The following NEU1 variants were observed in gnomAD, a reference collection of about 807,000 sequenced individuals.
The protein encoded by NEU1 is neuraminidase 1.
A neutral mutation model predicts 38.3 loss-of-function variants in NEU1; 32 were observed. The observed-to-expected ratio is 0.84, with a 90% CI of 0.63 to 1.12. The LOEUF is 1.12. NEU1 is among the 50% of genes most tolerant of loss of function. The probability of loss-of-function intolerance (pLI) is 0.00; values close to 1 mark genes in which losing one functional copy is unlikely to be tolerated. For synonymous variants in NEU1, 192 were observed against 225.2 expected, an observed-to-expected ratio of 0.85 and a Z score of 1.32; for missense variants, 431 against 549.2, an observed-to-expected ratio of 0.78 and a Z score of 2.15.
chr6:31,862,541 C>T lies in NEU1; in HGVS notation c.159+77G>A. 1 of 1,604,486 alleles carries T rather than the reference C, an allele frequency of 6.2e-7. No individual in the cohort carries two copies. The highest frequency in any genetic ancestry group is 8.5e-7 in the Non-Finnish European group (1 of 1,172,650). On this transcript the variant is annotated intron_variant, in intron 1 of 5. Coordinates refer to ENST00000375631, the MANE Select transcript of NEU1 (RefSeq NM_000434.4). This position sits in a 1 kb window ranked among gnomAD's most constrained non-coding sequence, Gnocchi z 6.3. ...GTCCTGTCGCGGAAAGTCGGCTCAG[C>T]CGCCCGCGTTCCGGGGGACACTAGG...
In NEU1 at chr6:31,859,883, G is replaced by A. The variant is rs767725628; in HGVS notation, c.1084C>T (p.Gln362Ter). 1.2e-6 allele frequency: 2 copies of A among 1,613,078 alleles called. No individual in the cohort carries two copies. The highest frequency in any genetic ancestry group is 1.7e-6 in the Non-Finnish European group (2 of 1,180,032). Reference protein sequence around the residue: ...NGTSWRKETVQLWPGPSGYSS... With the variant: ...NGTSWRKETV Reference sequence around the variant, plus strand: ...TAGCCACTGGGGCCTGGCCATAGCTGGACTGTCTCTTTCCGCCATGAGGTA... The same window carrying A: ...TAGCCACTGGGGCCTGGCCATAGCTAGACTGTCTCTTTCCGCCATGAGGTA... The change falls in exon 6 of 6, where the codon CAG becomes TAG. Residue 362 changes from glutamine to a stop codon, truncating the protein, a stop_gained. Coordinates refer to ENST00000375631, the MANE Select transcript of NEU1 (RefSeq NM_000434.4). LOFTEE classifies it high-confidence loss of function.
At position 31,860,550 on chromosome 6, in the gene NEU1, G is replaced by A; in HGVS notation, c.687C>T (p.Phe229=). The A allele has an allele frequency of 1.9e-6, 3 of 1,614,128 alleles. No homozygotes were observed. The highest frequency in any genetic ancestry group is 2.5e-6 in the Non-Finnish European group (3 of 1,180,022). ...CACCATGATCATCGCTGAGGAGACA[G>A]AAGACTCCGTCCCGCTCCAGCGTCC... is the stretch of plus-strand genomic sequence containing the variant. ...GHGTLERDGV[F]CLLSDDHGAS... Residue 229 remains phenylalanine (F), a synonymous_variant, in exon 4 of 6, where the codon TTC becomes TTT. Coordinates refer to ENST00000375631, the MANE Select transcript of NEU1 (RefSeq NM_000434.4). The surrounding 1 kb of genome is among the most constrained non-coding windows in gnomAD (Gnocchi z 4.8).
At chr6:31,861,116 G>C (rs1762489777) in intron 3 of NEU1, 72 bp downstream of exon 3, 1 of 1,600,594 alleles carries the variant, frequency 6.2e-7, no homozygotes, top group African/African-American at 1.3e-5. Context: ...CCCTTGGAAA[G>C]GAGTCCATTT....
In NEU1 at chr6:31,858,288, T is replaced by C. The variant is rs1261221583; in HGVS notation, c.*1431A>G. The C allele has an allele frequency of 1.3e-5, 2 of 152,040 alleles. No homozygotes were observed. Among genetic ancestry groups the C allele is most frequent in the African/African-American group, 4.8e-5 (2 of 41,368 alleles). The allele number at this position is 152,040 out of a possible 1,614,324, so 9.4% of individuals were successfully genotyped here. On this transcript the variant is annotated 3_prime_UTR_variant, in exon 6 of 6. Coordinates refer to ENST00000375631, the MANE Select transcript of NEU1 (RefSeq NM_000434.4). The stretch of plus-strand genomic sequence containing the variant: ...CAGTTTGAGACCAACCTAGGCAATA[T>C]AGTGAGACTTTGTCTCTACTAAAAA...
At chr6:31,861,809 T>G (rs1379135881) in intron 2 of NEU1, 190 bp downstream of exon 2, 1 of 701,158 alleles carries the variant, frequency 1.4e-6, no homozygotes, top group South Asian at 1.6e-5. Flanking sequence ...GCTAAGTGAA[T>G]GTCCAACTCC....
chr6:31,860,586 C>A lies in NEU1; in HGVS notation c.651G>T (p.Val217=). Residue 217 remains valine, a synonymous_variant, in exon 4 of 6, where the codon GTG becomes GTT. Transcript: ENST00000375631. The surrounding 1 kb of genome is among the most constrained non-coding windows in gnomAD (Gnocchi z 4.8). ...CCCGCTCCAGCGTCCCATGGCCACA[C>A]ACGATGAGGCGGCCCTTCCGTGGCT... ...QREPRKGRLI[V]CGHGTLERDG... 6.2e-7 allele frequency: 1 copy of A among 1,614,044 alleles called. No individual in the cohort carries two copies. The highest frequency in any genetic ancestry group is 8.5e-7 in the Non-Finnish European group (1 of 1,180,024).
In NEU1 at chr6:31,857,893, TCTCA is replaced by T. The variant is rs1449784855; in HGVS notation, c.*1822_*1825del. On this transcript the variant is annotated 3_prime_UTR_variant, in exon 6 of 6. Transcript: ENST00000375631. ...TGGATTTTTTTTTTTTCAGACGGAG[TCTCA>T]CTCTGTTGCCGAGGCTGGTGTGCAG... 6.6e-6 allele frequency: 1 copy of T among 151,072 alleles called. No homozygotes were observed. The highest frequency in any genetic ancestry group is 1.9e-4 in the East Asian group (1 of 5,158). The allele number at this position is 151,072 out of a possible 1,614,324, so 9.4% of individuals were successfully genotyped here.
Position 31,858,179 on chromosome 6 carries a change from A to G in NEU1, c.*1540T>C, listed in dbSNP as rs1762369656. 2.0e-5 allele frequency: 3 copies of G among 152,134 alleles called. No individual in the cohort carries two copies. The highest frequency in any genetic ancestry group is 6.6e-5 in the Admixed American group (1 of 15,260). 9.4% of individuals were successfully genotyped at this position (152,134 alleles called of 1,614,324 possible). ...CGCTTGGCCAAGTGTGGATTTTAAA[A>G]TATCTTACAGGCTGGGTGCAGGGGC... On this transcript the variant is annotated 3_prime_UTR_variant, in exon 6 of 6. Transcript: ENST00000375631.
Position 31,862,617 on chromosome 6 carries a change from C to T in NEU1, c.159+1G>A. The T allele has an allele frequency of 6.2e-7, 1 of 1,613,088 alleles. No homozygotes were observed. Among genetic ancestry groups the T allele is most frequent in the South Asian group, 1.1e-5 (1 of 91,082 alleles). ...ATGGGGCTATGCAAAGGGTGACTCA[C>T]CAGACCGAAGTCGTTCTCAGCCTTG... On this transcript the variant is annotated splice_donor_variant, in intron 1 of 5. Transcript: ENST00000375631. LOFTEE classifies it high-confidence loss of function. The surrounding 1 kb of genome is among the most constrained non-coding windows in gnomAD (Gnocchi z 6.3).
chr6:31,860,011 T>C lies in NEU1; in HGVS notation c.1021+31A>G. The C allele has an allele frequency of 6.2e-7, 1 of 1,612,710 alleles. No individual in the cohort carries two copies. Among genetic ancestry groups the C allele is most frequent in the Non-Finnish European group, 8.5e-7 (1 of 1,179,786 alleles). Reference sequence around the variant, plus strand: ...CAGGCCTTGTCTAGACACAGGGCTCTCCCTGCTGACCCCACCCATGAGGCA... The same window carrying C: ...CAGGCCTTGTCTAGACACAGGGCTCCCCCTGCTGACCCCACCCATGAGGCA... On this transcript the variant is annotated intron_variant, in intron 5 of 5. Transcript: ENST00000375631. The surrounding 1 kb of genome is among the most constrained non-coding windows in gnomAD (Gnocchi z 4.8).
Position 31,862,629 on chromosome 6 carries a change from C to A in NEU1, c.148G>T (p.Asp50Tyr). Residue 50 changes from aspartate to tyrosine, a missense_variant, in exon 1 of 6, where the codon GAC becomes TAC. By Grantham distance (160) the Asp-to-Tyr change is radical. Coordinates refer to ENST00000375631, the MANE Select transcript of NEU1 (RefSeq NM_000434.4). This position sits in a 1 kb window ranked among gnomAD's most constrained non-coding sequence, Gnocchi z 6.3. ...LAASWSKAEN[D>Y]FGLVQPLVTM... is the part of the protein sequence containing the mutation. ...AAAGGGTGACTCACCAGACCGAAGT[C>A]GTTCTCAGCCTTGGACCAGGAGGCT... is the stretch of plus-strand genomic sequence containing the variant. 2 of 1,613,102 alleles carry A rather than the reference C, an allele frequency of 1.2e-6. No homozygotes were observed. Among genetic ancestry groups the A allele is most frequent in the South Asian group, 2.2e-5 (2 of 91,086 alleles).
In NEU1 at chr6:31,862,787, A is replaced by G; in HGVS notation, c.-11T>C. ...TCGCTCCCCAGTCATCTCTCCCCGC[A>G]GCTGCCGCGACCCTGGCAGCTAGAC... On this transcript the variant is annotated 5_prime_UTR_variant, in exon 1 of 6. Coordinates refer to ENST00000375631, the MANE Select transcript of NEU1 (RefSeq NM_000434.4). The surrounding 1 kb of genome is among the most constrained non-coding windows in gnomAD (Gnocchi z 6.3). The G allele has an allele frequency of 1.2e-6, 2 of 1,612,510 alleles. No individual in the cohort carries two copies. The highest frequency in any genetic ancestry group is 1.7e-6 in the Non-Finnish European group (2 of 1,179,852).
chr6:31,860,511 G>A lies in NEU1; in HGVS notation c.726C>T (p.Tyr242=), dbSNP rs376599274. Reference sequence around the variant, plus strand: ...AGGGGATGCCGCTGACCCCACTTCCGTAGCGCCAGGAGGCACCATGATCAT... The same window carrying A: ...AGGGGATGCCGCTGACCCCACTTCCATAGCGCCAGGAGGCACCATGATCAT... The part of the protein sequence containing the change: ...LSDDHGASWR[Y]GSGVSGIPYG... The change falls in exon 4 of 6, where the codon TAC becomes TAT. Residue 242 remains tyrosine, a synonymous_variant. Coordinates refer to ENST00000375631, the MANE Select transcript of NEU1 (RefSeq NM_000434.4). This position sits in a 1 kb window ranked among gnomAD's most constrained non-coding sequence, Gnocchi z 4.8. 2.2e-5 allele frequency: 36 copies of A among 1,614,082 alleles called. No individual in the cohort carries two copies. In the African/African-American group the frequency reaches 4.1e-4, roughly 19 times the overall value.
rs1164719058 is a variant in NEU1 at position 31,857,721 on chromosome 6, G to A, written c.*1998C>T. On this transcript the variant is annotated 3_prime_UTR_variant, in exon 6 of 6. Transcript: ENST00000375631. The stretch of plus-strand genomic sequence containing the variant: ...ATTCTTTTCATAAGCATCTGCCTGG[G>A]GAATATTTTCTTACATAATTTGCCA... 1 of 151,932 alleles carries A rather than the reference G, an allele frequency of 6.6e-6. No individual in the cohort carries two copies. Among genetic ancestry groups the A allele is most frequent in the African/African-American group, 2.4e-5 (1 of 41,346 alleles). 9.4% of individuals were successfully genotyped at this position (151,932 alleles called of 1,614,324 possible).
At position 31,861,998 on chromosome 6, in the gene NEU1, C is replaced by A; in HGVS notation, c.352+1G>T. ...GCTCTTTCACCCAGACATCTTTATA[C>A]CCTGGTCCATGGACCTCCGCAGGGC... On this transcript the variant is annotated splice_donor_variant, in intron 2 of 5. Coordinates refer to ENST00000375631, the MANE Select transcript of NEU1 (RefSeq NM_000434.4). LOFTEE classifies it high-confidence loss of function. 1 of 1,613,102 alleles carries A rather than the reference C, an allele frequency of 6.2e-7. No individual in the cohort carries two copies.
Position 31,862,767 on chromosome 6 carries a change from C to T in NEU1, c.10G>A (p.Glu4Lys), listed in dbSNP as rs753012612. The change falls in exon 1 of 6, where the codon GAG becomes AAG. Residue 4 changes from glutamate to lysine, a missense_variant. Transcript: ENST00000375631. This position sits in a 1 kb window ranked among gnomAD's most constrained non-coding sequence, Gnocchi z 6.3. Reference protein sequence around the residue: MTGERPSTALPDRR... With the variant: MTGKRPSTALPDRR... Reference sequence around the variant, plus strand: ...TCCGGGAGCGCCGTGCTGGGTCGCTCCCCAGTCATCTCTCCCCGCAGCTGC... The same window carrying T: ...TCCGGGAGCGCCGTGCTGGGTCGCTTCCCAGTCATCTCTCCCCGCAGCTGC... 1 of 1,612,860 alleles carries T rather than the reference C, an allele frequency of 6.2e-7. No individual in the cohort carries two copies. The highest frequency in any genetic ancestry group is 8.5e-7 in the Non-Finnish European group (1 of 1,179,984).
In NEU1 at chr6:31,859,831, C is replaced by A; in HGVS notation, c.1136G>T (p.Ser379Ile). 1 of 1,613,102 alleles carries A rather than the reference C, an allele frequency of 6.2e-7. No homozygotes were observed. The highest frequency in any genetic ancestry group is 8.5e-7 in the Non-Finnish European group (1 of 1,180,028). The change falls in exon 6 of 6, where the codon AGC becomes ATC. Residue 379 changes from serine (S) to isoleucine (I), a missense_variant. Ser to Ile is a moderately radical substitution (Grantham distance 142). Coordinates refer to ENST00000375631, the MANE Select transcript of NEU1 (RefSeq NM_000434.4). ...GYSSLATLEGSMDGEEQAPQL... is the reference protein window; with the variant it reads ...GYSSLATLEGIMDGEEQAPQL... ...GGGGGCCTGCTCCTCTCCATCCATG[C>A]TGCCCTCCAGGGTTGCCAGGGATGA...
At chr6:31,861,958 T>C (rs754924667) in intron 2 of NEU1, 41 bp downstream of exon 2, 52 of 1,609,428 alleles carry the variant, frequency 3.2e-5, no homozygotes, top group Non-Finnish European at 4.2e-5. Context: ...TGCCCACCCA[T>C]CCAACCTAGC....
Position 31,860,567 on chromosome 6 carries a change from C to G in NEU1, c.670G>C (p.Glu224Gln). Residue 224 changes from glutamate to glutamine, a missense_variant, in exon 4 of 6, where the codon GAG becomes CAG. Glu to Gln is a conservative substitution (Grantham distance 29). Transcript: ENST00000375631. This position sits in a 1 kb window ranked among gnomAD's most constrained non-coding sequence, Gnocchi z 4.8. ...RLIVCGHGTLERDGVFCLLSD... is the reference protein window; with the variant it reads ...RLIVCGHGTLQRDGVFCLLSD... ...AGGAGACAGAAGACTCCGTCCCGCT[C>G]CAGCGTCCCATGGCCACACACGATG... 1 of 1,614,054 alleles carries G rather than the reference C, an allele frequency of 6.2e-7. No homozygotes were observed. The highest frequency in any genetic ancestry group is 8.5e-7 in the Non-Finnish European group (1 of 1,180,018).
Sources: allele counts gnomAD v4.1 joint callset, GRCh38; gene constraint gnomAD v4.1.1; non-coding constraint Gnocchi (gnomAD v3.1); transcripts MANE v1.5; gene names NCBI Gene and HGNC (gene_info 2026-07-23, HGNC 2026-07-21).